Variants in INPP5A observed in about 807,000 individuals in gnomAD.
The protein encoded by INPP5A is inositol polyphosphate-5-phosphatase A.
In INPP5A, 14 loss-of-function variants were observed where a neutral mutation model predicts 65.2. That is an observed-to-expected ratio of 0.21 (90% confidence interval 0.14 to 0.34). The LOEUF (loss-of-function observed/expected upper bound fraction) is 0.34, where lower values mean the gene tolerates loss of function less well. INPP5A is among the 10% of genes least tolerant of loss of function. The pLI is 1.00. For missense variants in INPP5A, 431 were observed against 545.6 expected (o/e 0.79, Z 2.09); for synonymous variants, 207 against 208.3 (o/e 0.99, Z 0.05).
chr10:132,723,370 T>C (rs1564984231), intron 8 of INPP5A, among the ~76,000 whole-genome samples: 2 of 152,238 alleles, frequency 1.3e-5, no homozygotes. Context: ...CCGTCAGGGT[T>C]CTGCTGTTTG....
At chr10:132,582,482 A>C (rs2071496721) in intron 1 of INPP5A, among the ~76,000 whole-genome samples, 1 of 151,038 alleles carries the variant, frequency 6.6e-6, no homozygotes, top group African/African-American at 2.4e-5. Flanking sequence ...GTACAGTGGC[A>C]ACACGGCTCA....
At position 132,678,204 on chromosome 10, in the gene INPP5A, T is replaced by G. The variant is rs886430922; in HGVS notation, c.307-12188T>G. ...CGGACGGTCACAGCCCCCCGTATGC[T>G]GCCTGGGGGTGGCACTGGGGGAAGT... On this transcript the variant is annotated intron_variant, in intron 4 of 15. Transcript: ENST00000368594. This position sits in a 1 kb window ranked among gnomAD's most constrained non-coding sequence, Gnocchi z 4.1. 2.0e-5 allele frequency among the ~76,000 whole-genome samples: 3 copies of G among 152,188 alleles called. No individual in the cohort carries two copies. Among genetic ancestry groups the G allele is most frequent in the African/African-American group, 7.2e-5 (3 of 41,460 alleles).
chr10:132,680,752 C>T (rs541995044), intron 4 of INPP5A, among the ~76,000 whole-genome samples: 6 of 152,378 alleles, frequency 3.9e-5, no homozygotes, highest in East Asian at 3.9e-4. Context: ...CCCCGCACTC[C>T]GAGCAGCCGG....
At chr10:132,734,258 G>A (rs1337086139) in intron 9 of INPP5A, among the ~76,000 whole-genome samples, 1 of 152,164 alleles carries the variant, frequency 6.6e-6, no homozygotes, top group Non-Finnish European at 1.5e-5. Flanking sequence ...AGTGGCCACC[G>A]TCACTGCCCA....
chr10:132,547,979 G>A lies in INPP5A; in HGVS notation c.75+9808G>A, dbSNP rs924694422. ...CAATGGCGTGATCTCACCTCACTGC[G>A]ACCTCCGCCTCCCAGGTTCAAGCAG... On this transcript the variant is annotated intron_variant, in intron 1 of 15. Transcript: ENST00000368594. The surrounding 1 kb of genome is among the most constrained non-coding windows in gnomAD (Gnocchi z 5.5). Among the ~76,000 whole-genome samples the A allele has an allele frequency of 1.5e-4, 22 of 151,586 alleles. No homozygotes were observed. Among genetic ancestry groups the A allele is most frequent in the African/African-American group, 4.6e-4 (19 of 41,270 alleles).
At chr10:132,553,103 T>C (rs936560557) in intron 1 of INPP5A, among the ~76,000 whole-genome samples, 2 of 136,160 alleles carry the variant, frequency 1.5e-5, no homozygotes, top group African/African-American at 5.7e-5. Context: ...GTGAACGCCT[T>C]CTCAGAGCCT....
At chr10:132,747,860 G>A (rs1321358891) in intron 9 of INPP5A, among the ~76,000 whole-genome samples, 7 of 152,162 alleles carry the variant, frequency 4.6e-5, no homozygotes, top group African/African-American at 1.7e-4. Flanking sequence ...GCCAACCTGG[G>A]CAACATCATG....
Position 132,616,337 on chromosome 10 carries a change from G to A in INPP5A, c.117+8381G>A, listed in dbSNP as rs748638695. The stretch of plus-strand genomic sequence containing the variant: ...GGGGCATGTGGCGTGCAGGGACGCC[G>A]TGGGCGTGGTGTGGGGCACGTGGCG... On this transcript the variant is annotated intron_variant, in intron 2 of 15. Transcript: ENST00000368594. The surrounding 1 kb of genome is among the most constrained non-coding windows in gnomAD (Gnocchi z 4.9). 3.3e-5 allele frequency among the ~76,000 whole-genome samples: 5 copies of A among 152,112 alleles called. No homozygotes were observed. The highest frequency in any genetic ancestry group is 1.9e-4 in the East Asian group (1 of 5,188).
chr10:132,612,684 G>T, intron 2 of INPP5A, among the ~76,000 whole-genome samples: 1 of 152,204 alleles, frequency 6.6e-6, no homozygotes, highest in East Asian at 1.9e-4. Flanking sequence ...CTGGCCGTGT[G>T]CGTGGCCCTC....
At chr10:132,633,141 G>T (rs899638207) in intron 2 of INPP5A, among the ~76,000 whole-genome samples, 4 of 152,160 alleles carry the variant, frequency 2.6e-5, no homozygotes, top group African/African-American at 9.7e-5. Context: ...CCTGTCCCTG[G>T]CTGCCTTTTG....
intron 13 of INPP5A, among the ~76,000 whole-genome samples, chr10:132,780,402 C>G (rs1847139687): frequency 6.6e-6 from 1 of 152,254 alleles, no homozygotes; most frequent in Admixed American, 6.5e-5. Context: ...AAAAACAAAT[C>G]AAAGTGGGAA....
rs974895033 is a variant in INPP5A at position 132,678,490 on chromosome 10, C to T, written c.307-11902C>T. On this transcript the variant is annotated intron_variant, in intron 4 of 15. Coordinates refer to ENST00000368594, the MANE Select transcript of INPP5A (RefSeq NM_005539.5). The surrounding 1 kb of genome is among the most constrained non-coding windows in gnomAD (Gnocchi z 4.1). Reference sequence around the variant, plus strand: ...ACTTTTGCAAGTGTGTTCAGCTTCTCGGGAGCACCGTGAACCTGTGCCTTG... The same window carrying T: ...ACTTTTGCAAGTGTGTTCAGCTTCTTGGGAGCACCGTGAACCTGTGCCTTG... Among the ~76,000 whole-genome samples the T allele has an allele frequency of 2.6e-5, 4 of 152,168 alleles. No homozygotes were observed. The highest frequency in any genetic ancestry group is 4.4e-5 in the Non-Finnish European group (3 of 68,030).
At chr10:132,625,915 T>C (rs1302193959) in intron 2 of INPP5A, among the ~76,000 whole-genome samples, 2 of 151,628 alleles carry the variant, frequency 1.3e-5, no homozygotes, top group African/African-American at 4.9e-5. Context: ...AAACTTGAGG[T>C]AGTTTATACA....
At chr10:132,764,082 C>T (rs767621600) in intron 11 of INPP5A, among the ~76,000 whole-genome samples, 2 of 152,260 alleles carry the variant, frequency 1.3e-5, no homozygotes, top group Non-Finnish European at 2.9e-5. Context: ...TGGAGCTGTA[C>T]CCTCTTAGGA....
At position 132,762,199 on chromosome 10, in the gene INPP5A, A is replaced by C. The variant is rs553127372; in HGVS notation, c.904-3574A>C. 6.6e-6 allele frequency among the ~76,000 whole-genome samples: 1 copy of C among 152,340 alleles called. No individual in the cohort carries two copies. The highest frequency in any genetic ancestry group is 1.5e-5 in the Non-Finnish European group (1 of 68,032). On this transcript the variant is annotated intron_variant, in intron 11 of 15. Coordinates refer to ENST00000368594, the MANE Select transcript of INPP5A (RefSeq NM_005539.5). This position sits in a 1 kb window ranked among gnomAD's most constrained non-coding sequence, Gnocchi z 4.6. ...TGAGGGTCCACGAGGGGCACACTGG[A>C]GAGTCAATGGCTGGGCGTTTTCCAG...
At chr10:132,628,784 T>C (rs567895728) in intron 2 of INPP5A, among the ~76,000 whole-genome samples, 1 of 152,250 alleles carries the variant, frequency 6.6e-6, no homozygotes, top group Non-Finnish European at 1.5e-5. Flanking sequence ...TCTTAGAATC[T>C]AGCCCAGCCC....
rs1385929268 is a variant in INPP5A, at chr10:132,762,528, C to T, written c.904-3245C>T. Among the ~76,000 whole-genome samples, 1 of 152,108 alleles carries T rather than the reference C, an allele frequency of 6.6e-6. No individual in the cohort carries two copies. The highest frequency in any genetic ancestry group is 1.5e-5 in the Non-Finnish European group (1 of 68,030). On this transcript the variant is annotated intron_variant, in intron 11 of 15. Coordinates refer to ENST00000368594, the MANE Select transcript of INPP5A (RefSeq NM_005539.5). The surrounding 1 kb of genome is among the most constrained non-coding windows in gnomAD (Gnocchi z 4.6). ...AAGTCAGCCTTCAGAACACTGGCCACCATAAAGACAGTACCTGGCGATGGA... is the reference window on the plus strand; with the variant it reads ...AAGTCAGCCTTCAGAACACTGGCCATCATAAAGACAGTACCTGGCGATGGA...
chr10:132,765,996 T>C (rs987569599), intron 12 of INPP5A, 150 bp downstream of exon 12: 1 of 645,598 alleles, frequency 1.5e-6, no homozygotes, highest in Non-Finnish European at 2.9e-6. Context: ...GTGTGTACCA[T>C]ACCTGTGTGT....
rs2072564014 is a variant in INPP5A at position 132,650,673 on chromosome 10, C to A, written c.306+168C>A. Among the ~76,000 whole-genome samples the A allele has an allele frequency of 6.6e-6, 1 of 152,214 alleles. No homozygotes were observed. The highest frequency in any genetic ancestry group is 1.5e-5 in the Non-Finnish European group (1 of 68,038). ...GCCTGCTTGGTGGTCTGCTCGTGGT[C>A]TGAGCCCATGGCTGGCCTGGCAGGG... On this transcript the variant is annotated intron_variant, in intron 4 of 15. Coordinates refer to ENST00000368594, the MANE Select transcript of INPP5A (RefSeq NM_005539.5). This position sits in a 1 kb window ranked among gnomAD's most constrained non-coding sequence, Gnocchi z 5.5.
Sources: allele counts gnomAD v4.1 joint callset (sites outside exome capture counted in the v4.1 genomes callset), GRCh38; gene constraint gnomAD v4.1.1; non-coding constraint Gnocchi (gnomAD v3.1); transcripts MANE v1.5; gene names NCBI Gene and HGNC (gene_info 2026-07-23, HGNC 2026-07-21).